SLC12A2: variants seen among roughly 807,000 people sequenced by gnomAD.
The protein encoded by SLC12A2 is Na-K-2Cl cotransporter 1.
Under a neutral mutation model 136.3 loss-of-function variants are expected in SLC12A2, and 67 were observed. The observed-to-expected ratio is 0.49, with a 90% CI of 0.40 to 0.60. The LOEUF (loss-of-function observed/expected upper bound fraction) is 0.60. SLC12A2 is among the 20% of genes least tolerant of loss of function. SLC12A2 has a pLI of 0.00. For missense variants in SLC12A2, 1,322 were observed against 1,534.7 expected (o/e 0.86, Z 2.32); for synonymous variants, 619 against 562.9 (o/e 1.10, Z -1.41).
intron 17 of SLC12A2, among the ~76,000 whole-genome samples, chr5:128,166,185 A>C (rs547243858): frequency 6.6e-6 from 1 of 152,176 alleles, no homozygotes; most frequent in African/African-American, 2.4e-5. Context: ...TTTTTTTTCA[A>C]AAAATGACAT....
In SLC12A2 at chr5:128,138,680, G is replaced by A; in HGVS notation, c.1492G>A (p.Ala498Thr). ...FSVFAIFFPAATGILAGANIS... is the reference protein window; with the variant it reads ...FSVFAIFFPATTGILAGANIS... ...TGTATTTGCCATCTTTTTTCCTGCTGCAACTGGTATTCTGGCTGGAGCAAA... is the reference window on the plus strand; with the variant it reads ...TGTATTTGCCATCTTTTTTCCTGCTACAACTGGTATTCTGGCTGGAGCAAA... Residue 498 changes from alanine to threonine, a missense_variant, in exon 8 of 27, where the codon GCA (alanine) becomes ACA (threonine). Transcript: ENST00000262461. The A allele has an allele frequency of 6.2e-7, 1 of 1,613,694 alleles. No individual in the cohort carries two copies. Among genetic ancestry groups the A allele is most frequent in the Non-Finnish European group, 8.5e-7 (1 of 1,179,794 alleles).
chr5:128,182,974 T>C, intron 24 of SLC12A2, 33 bp downstream of exon 24: 1 of 1,331,768 alleles, frequency 7.5e-7, no homozygotes, highest in Non-Finnish European at 1.1e-6. Context: ...GATCCCTTTA[T>C]AGATGGCCTA....
At chr5:128,180,539 C>T (rs1301352230) in intron 22 of SLC12A2, among the ~76,000 whole-genome samples, 1 of 152,166 alleles carries the variant, frequency 6.6e-6, no homozygotes, top group East Asian at 1.9e-4. Context: ...AAAGCAATTT[C>T]AGTCCAGCTT....
chr5:128,185,392 CTAT>C (rs2126762409), intron 26 of SLC12A2, among the ~76,000 whole-genome samples: 1 of 152,178 alleles, frequency 6.6e-6, no homozygotes, highest in South Asian at 2.1e-4. Flanking sequence ...ACTAGGTTAG[CTAT>C]TCTTTGAACC....
rs746353132 is a variant in SLC12A2 at position 128,150,002 on chromosome 5, C to A, written c.2011C>A (p.Leu671Met). The change falls in exon 13 of 27, where the codon CTG becomes ATG. Residue 671 changes from leucine to methionine, a missense_variant. Physicochemically the swap from Leu to Met is conservative, Grantham distance 15 (BLOSUM62 2). Coordinates refer to ENST00000262461, the MANE Select transcript of SLC12A2 (RefSeq NM_001046.3). Reference sequence around the variant, plus strand: ...CGCATGTGTTTGTTCTGCAGCTGAACTGAATGTTATTGCACCAATTATCTC... The same window carrying A: ...CGCATGTGTTTGTTCTGCAGCTGAAATGAATGTTATTGCACCAATTATCTC... ...IALGFILIAE[L>M]NVIAPIISNF... 1 of 1,606,676 alleles carries A rather than the reference C, an allele frequency of 6.2e-7. No homozygotes were observed. The highest frequency in any genetic ancestry group is 8.5e-7 in the Non-Finnish European group (1 of 1,175,126).
At chr5:128,109,145 A>T (rs1761046916) in intron 1 of SLC12A2, among the ~76,000 whole-genome samples, 1 of 152,238 alleles carries the variant, frequency 6.6e-6, no homozygotes, top group Admixed American at 6.5e-5. Context: ...TAAAAATTTA[A>T]TTATTTTTCT....
chr5:128,111,015 A>G (rs920200473), intron 1 of SLC12A2: 302 of 723,578 alleles, frequency 4.2e-4, no homozygotes, highest in Non-Finnish European at 5.8e-4. Flanking sequence ...AATAACTTCT[A>G]TTAAAATAAT....
intron 1 of SLC12A2, among the ~76,000 whole-genome samples, chr5:128,094,832 C>T (rs1336329495): frequency 6.6e-6 from 1 of 151,980 alleles, no homozygotes; most frequent in Non-Finnish European, 1.5e-5. Flanking sequence ...TTAAATTTAA[C>T]TTTAAATTAA....
At position 128,083,816 on chromosome 5, in the gene SLC12A2, A is replaced by G. The variant is rs1759888389; in HGVS notation, c.-139A>G. ...GGTGGCCTCTGTGGCCGTCCAGGCT[A>G]GCGGCGGCCCGCAGGCGGCGGGGAG... is the stretch of plus-strand genomic sequence containing the variant. On this transcript the variant is annotated 5_prime_UTR_variant, in exon 1 of 27. Transcript: ENST00000262461. 8.2e-6 allele frequency: 5 copies of G among 609,822 alleles called. No individual in the cohort carries two copies. The highest frequency in any genetic ancestry group is 1.2e-5 in the Non-Finnish European group (5 of 428,430). The allele number at this position is 609,822 out of a possible 1,614,324, so 37.8% of individuals were successfully genotyped here.
At chr5:128,128,051 A>C (rs1214787437) in intron 4 of SLC12A2, among the ~76,000 whole-genome samples, 1 of 152,198 alleles carries the variant, frequency 6.6e-6, no homozygotes, top group Non-Finnish European at 1.5e-5. Context: ...TTATCAAATC[A>C]GTTCAAAATA....
intron 18 of SLC12A2, chr5:128,168,495 A>G (rs1561700249): frequency 6.6e-6 from 1 of 152,226 alleles, no homozygotes; most frequent in Non-Finnish European, 1.5e-5. Flanking sequence ...ATTTTTCCAC[A>G]GACATGGGTA....
rs1762576858 is a variant in SLC12A2 at position 128,147,785 on chromosome 5, C to A, written c.1881+56C>A. The A allele has an allele frequency of 1.0e-5, 11 of 1,048,242 alleles. No homozygotes were observed. In the South Asian group the frequency reaches 1.5e-4, roughly 14 times the overall value. 64.9% of individuals were successfully genotyped at this position (1,048,242 alleles called of 1,614,324 possible). On this transcript the variant is annotated intron_variant, in intron 11 of 26. Coordinates refer to ENST00000262461, the MANE Select transcript of SLC12A2 (RefSeq NM_001046.3). The stretch of plus-strand genomic sequence containing the variant: ...AAGGGAGAGTTAAAGTAATACTTCT[C>A]AATTTAGAATTGTTGCTATTTTCAA...
intron 1 of SLC12A2, among the ~76,000 whole-genome samples, chr5:128,089,000 C>G (rs1018029865): frequency 2.0e-5 from 3 of 151,988 alleles, no homozygotes; most frequent in Non-Finnish European, 4.4e-5. Context: ...GAAACCCTGT[C>G]TCTACTAAAA....
chr5:128,186,063 A>AAT (rs1554111630), intron 26 of SLC12A2, among the ~76,000 whole-genome samples: 71 of 151,974 alleles, frequency 4.7e-4, no homozygotes, highest in African/African-American at 1.7e-3. Flanking sequence ...CTCTTAAAAA[A>AAT]ATATATATAT....
intron 15 of SLC12A2, among the ~76,000 whole-genome samples, chr5:128,156,647 G>A (rs184840237): frequency 1.3e-5 from 2 of 152,316 alleles, no homozygotes; most frequent in East Asian, 1.9e-4. Flanking sequence ...AGACATTGGT[G>A]TCACATGGTA....
At chr5:128,090,174 T>C (rs1321677581) in intron 1 of SLC12A2, among the ~76,000 whole-genome samples, 2 of 152,220 alleles carry the variant, frequency 1.3e-5, no homozygotes, top group African/African-American at 4.8e-5. Context: ...AAATTGCAGC[T>C]ACTGCTTTGT....
chr5:128,141,876 C>T lies in SLC12A2; in HGVS notation c.1668C>T (p.Ile556=), dbSNP rs111727169. The stretch of plus-strand genomic sequence containing the variant: ...CCACTGGAAACGTTAATGACACTAT[C>T]GTAACAGAGCTAACAAACTGTACTT... ...RDATGNVNDT[I]VTELTNCTSA... The change falls in exon 10 of 27, where the codon ATC becomes ATT. Residue 556 remains isoleucine (I), a synonymous_variant. Coordinates refer to ENST00000262461, the MANE Select transcript of SLC12A2 (RefSeq NM_001046.3). The T allele has an allele frequency of 7.2e-5, 116 of 1,613,794 alleles. 1 individual carries two copies. The African/African-American group carries it at 9.6e-4, about 13-fold the overall frequency.
At chr5:128,135,853 G>T (rs896362413) in intron 7 of SLC12A2, 45 bp downstream of exon 7, 2 of 1,029,102 alleles carry the variant, frequency 1.9e-6, no homozygotes, top group African/African-American at 1.6e-5. Context: ...CCTATTTATA[G>T]AATTCTATCA....
Position 128,150,012 on chromosome 5 carries a change from T to C in SLC12A2, c.2021T>C (p.Ile674Thr), listed in dbSNP as rs1485756508. The C allele has an allele frequency of 6.2e-7, 1 of 1,609,840 alleles. No individual in the cohort carries two copies. Among genetic ancestry groups the C allele is most frequent in the East Asian group, 2.2e-5 (1 of 44,746 alleles). ...GFILIAELNV[I>T]APIISNFFLA... is the part of the protein sequence containing the mutation. ...TGTTCTGCAGCTGAACTGAATGTTA[T>C]TGCACCAATTATCTCAAACTTCTTC... The change falls in exon 13 of 27, where the codon ATT (isoleucine) becomes ACT (threonine). Residue 674 changes from isoleucine to threonine, a missense_variant. By Grantham distance (89) the Ile-to-Thr change is moderately conservative. Transcript: ENST00000262461.
Sources: allele counts gnomAD v4.1 joint callset (sites outside exome capture counted in the v4.1 genomes callset), GRCh38; gene constraint gnomAD v4.1.1; transcripts MANE v1.5; gene names NCBI Gene and HGNC (gene_info 2026-07-23, HGNC 2026-07-21).